TTC13: variants seen among roughly 807,000 people sequenced by gnomAD.
The protein encoded by TTC13 is tetratricopeptide repeat domain 13, also known as tetratricopeptide repeat protein 13.
Under a neutral mutation model 120.0 loss-of-function variants are expected in TTC13, and 62 were observed. The observed-to-expected ratio is 0.52, with a 90% CI of 0.42 to 0.64. The LOEUF (loss-of-function observed/expected upper bound fraction) is 0.64. Ranked by LOEUF, TTC13 falls within the 30% of genes least tolerant of loss-of-function variation. The pLI is 0.00. For missense variants in TTC13, 824 were observed against 1,050.2 expected (o/e 0.78, Z 2.98); for synonymous variants, 384 against 393.5 (o/e 0.98, Z 0.28).
intron 20 of TTC13, among the ~76,000 whole-genome samples, chr1:230,910,041 C>T (rs1455836057): frequency 1.3e-5 from 2 of 152,132 alleles, no homozygotes; most frequent in Non-Finnish European, 2.9e-5. Context: ...CAAAACAAAT[C>T]GGCTCAAAAT....
At chr1:230,922,577 T>C (rs9432264) in intron 15 of TTC13, among the ~76,000 whole-genome samples, 20,424 of 152,172 alleles carry the variant, frequency 0.13, 1,383 homozygotes, top group Middle Eastern at 0.16. Flanking sequence ...TTCCTGATAC[T>C]CCCTTAATTG....
chr1:230,923,793 G>A (rs753717921), intron 15 of TTC13, 48 bp downstream of exon 15: 1 of 1,523,498 alleles, frequency 6.6e-7, no homozygotes, highest in Non-Finnish European at 9.1e-7. Context: ...CCTGTGTCTT[G>A]AGAATAAACT....
chr1:230,945,275 T>G, intron 5 of TTC13, 114 bp downstream of exon 5: 2 of 946,080 alleles, frequency 2.1e-6, no homozygotes, highest in Non-Finnish European at 3.5e-6. Flanking sequence ...ACTGGAATGA[T>G]AGATACCACT....
At chr1:230,946,201 C>T (rs1341228265) in intron 4 of TTC13, among the ~76,000 whole-genome samples, 2 of 152,158 alleles carry the variant, frequency 1.3e-5, no homozygotes, top group Admixed American at 6.5e-5. Flanking sequence ...CTGAATGGTT[C>T]GCTATACAGT....
At position 230,948,400 on chromosome 1, in the gene TTC13, C is replaced by CAAAAAAAAAAAA. The variant is rs57051929; in HGVS notation, c.514-2958_514-2947dup. On this transcript the variant is annotated intron_variant, in intron 4 of 22. Coordinates refer to ENST00000366661, the MANE Select transcript of TTC13 (RefSeq NM_024525.5). Reference sequence around the variant, plus strand: ...CACTAAAGGGTAGCAACTCACAATACAAAAAAAAAAAAAAAAGGTAACATC... The same window carrying CAAAAAAAAAAAA: ...CACTAAAGGGTAGCAACTCACAATACAAAAAAAAAAAAAAAAAAAAAAAAAAAAGGTAACATC... 2.1e-5 allele frequency among the ~76,000 whole-genome samples: 2 copies of CAAAAAAAAAAAA among 96,562 alleles called. 1 individual carries two copies. The highest frequency in any genetic ancestry group is 4.1e-5 in the Non-Finnish European group (2 of 49,196). 63.3% of individuals were successfully genotyped at this position (96,562 alleles called of 152,430 possible).
chr1:230,928,787 G>T, intron 12 of TTC13, 150 bp downstream of exon 12: 1 of 703,472 alleles, frequency 1.4e-6, no homozygotes, highest in Non-Finnish European at 2.3e-6. Flanking sequence ...GATATTCACA[G>T]GCACAAGGAT....
chr1:230,954,773 A>AT lies in TTC13; in HGVS notation c.443-371dup, dbSNP rs112542330. 3.9e-3 allele frequency among the ~76,000 whole-genome samples: 600 copies of AT among 152,326 alleles called. 7 individuals carry two copies. The highest frequency in any genetic ancestry group is 0.014 in the African/African-American group (569 of 41,584). On this transcript the variant is annotated intron_variant, in intron 3 of 22. Coordinates refer to ENST00000366661, the MANE Select transcript of TTC13 (RefSeq NM_024525.5). ...AATGTCCACATAACATGGCAATGTG[A>AT]TTTTTTACTGTGAATGTTATGAGAA...
At chr1:230,931,580 A>T in intron 10 of TTC13, 108 bp from the exon 11 acceptor site, 1 of 1,443,772 alleles carries the variant, frequency 6.9e-7, no homozygotes, top group East Asian at 2.3e-5. Context: ...CAGACCTGTA[A>T]ACTAGTCTAC....
At chr1:230,908,638 C>T (rs1157387098) in intron 22 of TTC13, 74 bp downstream of exon 22, 19 of 1,243,280 alleles carry the variant, frequency 1.5e-5, no homozygotes, top group Non-Finnish European at 2.2e-5. Context: ...TTTCATAGCG[C>T]TCCAAAGTAA....
chr1:230,955,617 G>A (rs1313358190), intron 3 of TTC13, among the ~76,000 whole-genome samples: 4 of 147,658 alleles, frequency 2.7e-5, no homozygotes, highest in Admixed American at 6.7e-5. Context: ...CTTGCAGTGA[G>A]CCGAGATGGC....
At chr1:230,909,204 T>C (rs964981857) in intron 20 of TTC13, among the ~76,000 whole-genome samples, 184 bp from the exon 21 acceptor site, 1 of 152,254 alleles carries the variant, frequency 6.6e-6, no homozygotes, top group East Asian at 1.9e-4. Flanking sequence ...ACTAATTTAC[T>C]ATTAGAATAT....
Position 230,978,647 on chromosome 1 carries a change from G to A in TTC13, c.184C>T (p.Arg62Trp). 6.8e-7 allele frequency: 1 copy of A among 1,473,448 alleles called. No individual in the cohort carries two copies. The highest frequency in any genetic ancestry group is 8.9e-7 in the Non-Finnish European group (1 of 1,119,976). The allele number at this position is 1,473,448 out of a possible 1,614,324, so 91.3% of individuals were successfully genotyped here. ...CCCGCCGGGGCCTCCTGCTGCTGCC[G>A]GTGCTGCAGCTCCTGCTTGAGCAGG... ...LSLLKQELQH[R>W]QQQEAPAGGG... is the part of the protein sequence containing the mutation. The change falls in exon 1 of 23, where the codon CGG becomes TGG. Residue 62 changes from arginine to tryptophan, a missense_variant. Transcript: ENST00000366661. This position sits in a 1 kb window ranked among gnomAD's most constrained non-coding sequence, Gnocchi z 5.6.
At chr1:230,907,540 T>C (rs1558156740) in intron 22 of TTC13, among the ~76,000 whole-genome samples, 2 of 152,276 alleles carry the variant, frequency 1.3e-5, no homozygotes, top group Non-Finnish European at 2.9e-5. Flanking sequence ...TGTACAATTA[T>C]GTAAGAATAG....
chr1:230,933,713 G>A, intron 9 of TTC13, 66 bp downstream of exon 9: 2 of 815,732 alleles, frequency 2.5e-6, no homozygotes, highest in Non-Finnish European at 4.0e-6. Context: ...TAAATATTAT[G>A]TGAAGCTATC....
At chr1:230,908,444 C>G in intron 22 of TTC13, 1 of 514,322 alleles carries the variant, frequency 1.9e-6, no homozygotes, top group South Asian at 1.7e-5. Flanking sequence ...TCCACCTCAG[C>G]CTCCCAAAGT....
At chr1:230,963,788 G>A (rs1272249914) in intron 1 of TTC13, among the ~76,000 whole-genome samples, 5 of 152,132 alleles carry the variant, frequency 3.3e-5, no homozygotes, top group South Asian at 4.1e-4. Flanking sequence ...AAAGGGCAGC[G>A]AGGAGACTCC....
Position 230,909,037 on chromosome 1 carries a change from C to A in TTC13, c.2310-17G>T. 2 of 1,610,800 alleles carry A rather than the reference C, an allele frequency of 1.2e-6. No individual in the cohort carries two copies. Among genetic ancestry groups the A allele is most frequent in the Non-Finnish European group, 1.7e-6 (2 of 1,177,072 alleles). On this transcript the variant is annotated splice_polypyrimidine_tract_variant and intron_variant, in intron 20 of 22. Coordinates refer to ENST00000366661, the MANE Select transcript of TTC13 (RefSeq NM_024525.5). Reference sequence around the variant, plus strand: ...GCAATTACACTATTTAAATAAAGAACAAAGGTCAATCCATCCTGGACGGTC... The same window carrying A: ...GCAATTACACTATTTAAATAAAGAAAAAAGGTCAATCCATCCTGGACGGTC...
intron 1 of TTC13, among the ~76,000 whole-genome samples, chr1:230,964,522 C>T (rs1437309276): frequency 6.6e-6 from 1 of 152,144 alleles, no homozygotes. Flanking sequence ...TTGTAAATCA[C>T]TTATATCCTT....
intron 4 of TTC13, among the ~76,000 whole-genome samples, chr1:230,951,735 A>T (rs1264011072): frequency 1.3e-5 from 2 of 149,114 alleles, no homozygotes; most frequent in Admixed American, 1.4e-4. Flanking sequence ...TACACTTGCC[A>T]ACAAAAGAAA....
Sources: gnomAD v4.1 joint callset for allele counts (sites outside exome capture counted in the v4.1 genomes callset) on GRCh38, gnomAD v4.1.1 for gene constraint, Gnocchi (gnomAD v3.1) non-coding constraint, MANE v1.5 for transcripts, NCBI Gene and HGNC (gene_info 2026-07-23, HGNC 2026-07-21) for gene names.